TNKS: variants seen among roughly 807,000 people sequenced by gnomAD.
TNKS encodes the protein poly [ADP-ribose] polymerase tankyrase-1.
A neutral mutation model predicts 135.8 loss-of-function variants in TNKS; 72 were observed. The ratio of observed to expected loss-of-function variants is 0.53; its 90% CI spans 0.44 to 0.64. The LOEUF is 0.64. Ranked by LOEUF, TNKS falls within the 30% of genes least tolerant of loss-of-function variation. The pLI, the probability that TNKS is intolerant of heterozygous loss-of-function variation, is 0.00. For missense variants in TNKS, 1,769 were observed against 1,674.0 expected (o/e 1.06, Z -0.99); for synonymous variants, 849 against 649.3 (o/e 1.31, Z -4.68).
chr8:9,684,285 C>G (rs542695359), intron 5 of TNKS, among the ~76,000 whole-genome samples: 3 of 152,072 alleles, frequency 2.0e-5, no homozygotes, highest in Admixed American at 1.3e-4. Context: ...GTTTTATTAG[C>G]TATTATCCAC....
At chr8:9,606,806 G>A (rs1799238724) in intron 2 of TNKS, among the ~76,000 whole-genome samples, 1 of 151,992 alleles carries the variant, frequency 6.6e-6, no homozygotes, top group Non-Finnish European at 1.5e-5. Context: ...ATCTTCCTCT[G>A]AAGAATTTTT....
intron 22 of TNKS, 80 bp downstream of exon 22, chr8:9,763,324 T>A: frequency 1.1e-6 from 1 of 933,134 alleles, no homozygotes; most frequent in Non-Finnish European, 1.6e-6. Context: ...AACCTCGTCT[T>A]ACATTGCCTT....
intron 5 of TNKS, among the ~76,000 whole-genome samples, chr8:9,696,505 A>G (rs186100448): frequency 1.3e-5 from 2 of 152,116 alleles, no homozygotes; most frequent in African/African-American, 4.8e-5. Context: ...AAGTCAAACT[A>G]CCTCTCTTCA....
In TNKS at chr8:9,779,170, G is replaced by A. The variant is rs911958283; in HGVS notation, c.*2434G>A. 1 of 152,536 alleles carries A rather than the reference G, an allele frequency of 6.6e-6. No homozygotes were observed. The highest frequency in any genetic ancestry group is 2.1e-4 in the South Asian group (1 of 4,818). The allele number at this position is 152,536 out of a possible 1,614,324, so 9.4% of individuals were successfully genotyped here. A position where few individuals can be genotyped will look rare whatever the true frequency, so the allele number is the denominator to read the frequency against. ...AGAGTGGGTTAATGGATATATCAGA[G>A]GAGCCAAATACATTTTTTTCAGAAC... On this transcript the variant is annotated 3_prime_UTR_variant, in exon 27 of 27. Transcript: ENST00000310430.
chr8:9,746,796 C>T (rs1806258351), intron 17 of TNKS, among the ~76,000 whole-genome samples: 1 of 151,776 alleles, frequency 6.6e-6, no homozygotes, highest in South Asian at 2.1e-4. Context: ...GACAAACGAT[C>T]TGCACAATGT....
At chr8:9,584,322 T>A (rs1798287833) in intron 2 of TNKS, among the ~76,000 whole-genome samples, 1 of 152,194 alleles carries the variant, frequency 6.6e-6, no homozygotes, top group Non-Finnish European at 1.5e-5. Context: ...TAGTGTCAGA[T>A]CTTCCTTCCT....
At chr8:9,575,136 G>C (rs1310343439) in intron 1 of TNKS, 2 of 902,462 alleles carry the variant, frequency 2.2e-6, no homozygotes, top group Admixed American at 6.2e-5. Context: ...GCCCAGGCTG[G>C]AGTATAGGGG....
chr8:9,603,806 T>G (rs548595783), intron 2 of TNKS, among the ~76,000 whole-genome samples: 1 of 152,190 alleles, frequency 6.6e-6, no homozygotes, highest in South Asian at 2.1e-4. Flanking sequence ...AAGAGAAACA[T>G]AATAGCACGA....
Position 9,763,243 on chromosome 8 carries a change from A to T in TNKS, c.3371A>T (p.Glu1124Val). ...AAAGAATATCAGTCAGTGGAAGAAG[A>T]GGTAATATACATCAGAAATCTTTCA... Reference protein sequence around the residue: ...EDKEYQSVEEEMQSTIREHRD... With the variant: ...EDKEYQSVEEVMQSTIREHRD... Residue 1124 changes from glutamate to valine, a missense_variant and splice_region_variant, in exon 22 of 27, where the codon GAG becomes GTG. Coordinates refer to ENST00000310430, the MANE Select transcript of TNKS (RefSeq NM_003747.3). The T allele has an allele frequency of 6.3e-7, 1 of 1,584,528 alleles. No individual in the cohort carries two copies. The highest frequency in any genetic ancestry group is 1.1e-5 in the South Asian group (1 of 87,956).
chr8:9,749,418 C>G (rs537525178), intron 18 of TNKS, among the ~76,000 whole-genome samples: 1 of 151,978 alleles, frequency 6.6e-6, no homozygotes, highest in African/African-American at 2.4e-5. Context: ...CCCAGTTCTG[C>G]TCCCAGGGAG....
At chr8:9,644,726 A>C (rs1309830587) in intron 3 of TNKS, among the ~76,000 whole-genome samples, 1 of 152,180 alleles carries the variant, frequency 6.6e-6, no homozygotes, top group Non-Finnish European at 1.5e-5. Context: ...ATTAAATATG[A>C]AATTATATAC....
At chr8:9,572,427 C>G (rs570243983) in intron 1 of TNKS, among the ~76,000 whole-genome samples, 46 of 152,242 alleles carry the variant, frequency 3.0e-4, no homozygotes, top group South Asian at 6.2e-4. Context: ...TTTACTTCTT[C>G]CTTTAATTAT....
chr8:9,601,990 A>G (rs1799034895), intron 2 of TNKS, among the ~76,000 whole-genome samples: 1 of 152,066 alleles, frequency 6.6e-6, no homozygotes, highest in Admixed American at 6.6e-5. Context: ...TAGGAACCTA[A>G]AGAGTAGACG....
intron 26 of TNKS, among the ~76,000 whole-genome samples, chr8:9,773,157 A>C (rs1471355471): frequency 6.6e-6 from 1 of 152,080 alleles, no homozygotes; most frequent in Non-Finnish European, 1.5e-5. Context: ...TACTTCTTCT[A>C]GAAATTTGTA....
At chr8:9,635,199 C>G (rs564286005) in intron 3 of TNKS, among the ~76,000 whole-genome samples, 1 of 150,616 alleles carries the variant, frequency 6.6e-6, no homozygotes, top group Admixed American at 6.6e-5. Flanking sequence ...AAGTAATGAA[C>G]TGCTCAAAGA....
rs112157776 is a variant in TNKS, at chr8:9,777,659, C to G, written c.*923C>G. On this transcript the variant is annotated 3_prime_UTR_variant, in exon 27 of 27. Transcript: ENST00000310430. ...TAAGGAGGGTGAGGAGCGTGTGGTT[C>G]TGTATCATGGCAGCCCCAATGGATC... The G allele has an allele frequency of 6.6e-6, 1 of 152,168 alleles. No homozygotes were observed. The allele number at this position is 152,168 out of a possible 1,614,324, so 9.4% of individuals were successfully genotyped here.
intron 1 of TNKS, among the ~76,000 whole-genome samples, chr8:9,563,144 G>A (rs1424807798): frequency 1.3e-5 from 2 of 151,500 alleles, no homozygotes; most frequent in South Asian, 2.1e-4. Context: ...AAGTTCATTC[G>A]CCATGTTATG....
intron 2 of TNKS, among the ~76,000 whole-genome samples, chr8:9,596,235 A>C (rs1287203231): frequency 1.3e-5 from 2 of 152,212 alleles, no homozygotes; most frequent in African/African-American, 4.8e-5. Flanking sequence ...TTGTGTAACC[A>C]GGCAGATTTT....
At chr8:9,660,705 C>T (rs183149089) in intron 3 of TNKS, among the ~76,000 whole-genome samples, 1 of 152,140 alleles carries the variant, frequency 6.6e-6, no homozygotes, top group South Asian at 2.1e-4. Flanking sequence ...CTCACCAGTC[C>T]TATTCAACAT....
Sources: allele counts gnomAD v4.1 joint callset (sites outside exome capture counted in the v4.1 genomes callset), GRCh38; gene constraint gnomAD v4.1.1; transcripts MANE v1.5; gene names NCBI Gene and HGNC (gene_info 2026-07-23, HGNC 2026-07-21).